The following SDK1 variants were observed in gnomAD, a reference collection of about 807,000 sequenced individuals.
SDK1 encodes the protein sidekick cell adhesion molecule 1.
SDK1 carries 157 observed loss-of-function variants against 245.5 expected under a neutral mutation model. The observed-to-expected ratio is 0.64, with a 90% CI of 0.56 to 0.73. The LOEUF is 0.73. Among genes scored for constraint, SDK1 ranks in the 30% least tolerant of loss-of-function variants. The pLI is 0.00. For missense variants in SDK1, 3,583 were observed against 3,002.3 expected (o/e 1.19, Z -4.52); for synonymous variants, 1,647 against 1,278.5 (o/e 1.29, Z -6.15).
intron 1 of SDK1, among the ~76,000 whole-genome samples, chr7:3,499,195 G>C (rs1001249418): frequency 2.0e-5 from 3 of 152,114 alleles, no homozygotes; most frequent in Non-Finnish European, 4.4e-5. Context: ...AGCAATAATG[G>C]TGTCCTTAAG....
intron 2 of SDK1, among the ~76,000 whole-genome samples, chr7:3,633,109 T>A (rs1447550471): frequency 1.3e-5 from 2 of 152,184 alleles, no homozygotes; most frequent in Non-Finnish European, 2.9e-5. Flanking sequence ...GAATAGGCTT[T>A]GGTCCAAGGT....
chr7:3,878,713 CCT>C (rs1317581728), intron 5 of SDK1, among the ~76,000 whole-genome samples: 1 of 152,066 alleles, frequency 6.6e-6, no homozygotes, highest in African/African-American at 2.4e-5. Flanking sequence ...GGAAGAGTCT[CCT>C]CTGTTTCTGT....
intron 1 of SDK1, among the ~76,000 whole-genome samples, chr7:3,521,665 G>A (rs1413528617): frequency 2.0e-5 from 3 of 152,204 alleles, no homozygotes; most frequent in Non-Finnish European, 2.9e-5. Context: ...GGATTCGATA[G>A]TCTAATGATT....
intron 4 of SDK1, among the ~76,000 whole-genome samples, chr7:3,694,772 C>T (rs888801156): frequency 9.2e-5 from 14 of 152,122 alleles, no homozygotes; most frequent in African/African-American, 3.1e-4. Flanking sequence ...TTACAAACAT[C>T]CCTGGTAATT....
intron 1 of SDK1, among the ~76,000 whole-genome samples, chr7:3,520,140 C>T (rs1364578275): frequency 6.6e-6 from 1 of 152,192 alleles, no homozygotes; most frequent in Non-Finnish European, 1.5e-5. Flanking sequence ...TTACCAGAAT[C>T]TTCTCTGGAG....
At chr7:4,159,648 G>A (rs1420898031) in intron 31 of SDK1, among the ~76,000 whole-genome samples, 2 of 152,220 alleles carry the variant, frequency 1.3e-5, no homozygotes, top group Non-Finnish European at 2.9e-5. Context: ...CAGGGCCCTA[G>A]TGAGCCCTGC....
chr7:4,090,568 T>G (rs1365686306), intron 22 of SDK1, among the ~76,000 whole-genome samples: 3 of 152,202 alleles, frequency 2.0e-5, no homozygotes, highest in African/African-American at 7.2e-5. Context: ...TCCAGCTGGC[T>G]TCTGTATTCT....
At chr7:3,657,644 C>A (rs896211368) in intron 4 of SDK1, among the ~76,000 whole-genome samples, 2 of 152,104 alleles carry the variant, frequency 1.3e-5, no homozygotes, top group African/African-American at 4.8e-5. Flanking sequence ...TCTGTTTGGC[C>A]TCTGAGGAGG....
chr7:4,159,775 A>C lies in SDK1; in HGVS notation c.4729+1224A>C, dbSNP rs368154752. 2.2e-3 allele frequency among the ~76,000 whole-genome samples: 330 copies of C among 152,334 alleles called. 13 individuals carry two copies. The South Asian group carries it at 0.064, about 30-fold the overall frequency. ...GAAAAAAAGTTAAAAATACAAATTAAAGATATACAGTGTAACAACTGTGTA... is the reference window on the plus strand; with the variant it reads ...GAAAAAAAGTTAAAAATACAAATTACAGATATACAGTGTAACAACTGTGTA... On this transcript the variant is annotated intron_variant, in intron 31 of 44. Transcript: ENST00000404826.
intron 1 of SDK1, among the ~76,000 whole-genome samples, chr7:3,598,225 T>C (rs142351803): frequency 6.6e-6 from 1 of 152,228 alleles, no homozygotes. Flanking sequence ...AGCCTTTTGC[T>C]CATTTTATTT....
chr7:3,951,331 A>T (rs1056265879), intron 6 of SDK1, among the ~76,000 whole-genome samples: 1 of 152,098 alleles, frequency 6.6e-6, no homozygotes, highest in Non-Finnish European at 1.5e-5. Flanking sequence ...GAAAAAGTTC[A>T]TTGCTCTTCT....
At chr7:3,413,215 G>C (rs1033340745) in intron 1 of SDK1, among the ~76,000 whole-genome samples, 3 of 152,166 alleles carry the variant, frequency 2.0e-5, no homozygotes, top group African/African-American at 4.8e-5. Flanking sequence ...CTTGAGCCAA[G>C]AGTAGGCCTA....
At chr7:3,898,983 A>G (rs995837045) in intron 5 of SDK1, among the ~76,000 whole-genome samples, 1 of 152,250 alleles carries the variant, frequency 6.6e-6, no homozygotes, top group Admixed American at 6.5e-5. Context: ...CCAATTCTAT[A>G]GTAAGGTGAA....
chr7:4,047,478 T>C (rs1789105361), intron 17 of SDK1, among the ~76,000 whole-genome samples: 1 of 152,218 alleles, frequency 6.6e-6, no homozygotes, highest in Non-Finnish European at 1.5e-5. Flanking sequence ...TTTTCTGATT[T>C]TGGTATCAGG....
At chr7:3,661,227 T>C (rs1357664338) in intron 4 of SDK1, among the ~76,000 whole-genome samples, 1 of 152,246 alleles carries the variant, frequency 6.6e-6, no homozygotes, top group Non-Finnish European at 1.5e-5. Flanking sequence ...ACTTTTTTCA[T>C]ATATTTTTAA....
chr7:3,563,299 G>C (rs1779807483), intron 1 of SDK1, among the ~76,000 whole-genome samples: 1 of 152,062 alleles, frequency 6.6e-6, no homozygotes, highest in Non-Finnish European at 1.5e-5. Context: ...GTATATTCCT[G>C]GATTATCCAT....
At chr7:3,640,800 C>T (rs1231388774) in intron 3 of SDK1, among the ~76,000 whole-genome samples, 4 of 152,030 alleles carry the variant, frequency 2.6e-5, no homozygotes, top group Admixed American at 2.0e-4. Flanking sequence ...TCTCCTGCTT[C>T]AGCCTCCTGA....
At chr7:3,550,743 C>T (rs1779377278) in intron 1 of SDK1, among the ~76,000 whole-genome samples, 1 of 152,130 alleles carries the variant, frequency 6.6e-6, no homozygotes, top group Non-Finnish European at 1.5e-5. Flanking sequence ...ATGGATATTA[C>T]TATGACAAGT....
intron 1 of SDK1, among the ~76,000 whole-genome samples, chr7:3,411,383 A>C (rs368113663): frequency 2.0e-5 from 3 of 152,226 alleles, no homozygotes; most frequent in Non-Finnish European, 2.9e-5. Context: ...TTGACTACAC[A>C]TACAGTTATA....
Sources: allele counts gnomAD v4.1 joint callset (sites outside exome capture counted in the v4.1 genomes callset), GRCh38; gene constraint gnomAD v4.1.1; transcripts MANE v1.5; gene names NCBI Gene and HGNC (gene_info 2026-07-23, HGNC 2026-07-21).